Variants in LAG3 observed in about 807,000 individuals in gnomAD.
LAG3 encodes lymphocyte activation gene 3 protein.
Under a neutral mutation model 49.0 loss-of-function variants are expected in LAG3, and 29 were observed. The ratio of observed to expected loss-of-function variants is 0.59; its 90% CI spans 0.44 to 0.81. The LOEUF is 0.81. LAG3 is among the 30% of genes least tolerant of loss of function. LAG3 has a pLI of 0.00. For missense variants in LAG3, 693 were observed against 695.2 expected, an observed-to-expected ratio of 1.00 and a Z score of 0.04; for synonymous variants, 320 against 297.3, an observed-to-expected ratio of 1.08 and a Z score of -0.79.
At position 6,778,348 on chromosome 12, in the gene LAG3, G is replaced by GGAACCGGAGCCCGAGCCCGAGCCC. The variant is rs1941932668; in HGVS notation, c.1539_1562dup (p.Pro514_Glu521dup). 6.2e-7 allele frequency: 1 copy of GGAACCGGAGCCCGAGCCCGAGCCC among 1,612,672 alleles called. No individual in the cohort carries two copies. ...AAGAACCGGAGCCGGAGCCGGAGCC[G>GGAACCGGAGCCCGAGCCCGAGCCC]GAACCGGAGCCCGAGCCCGAGCCCG... On this transcript the variant is annotated inframe_insertion, in exon 8 of 8. Transcript: ENST00000203629.
chr12:6,775,799 C>T (rs368919713), intron 5 of LAG3: 28 of 489,754 alleles, frequency 5.7e-5, no homozygotes, highest in Middle Eastern at 5.4e-4. Context: ...TCTCAATTGG[C>T]GGGAGGGTCT....
Position 6,778,278 on chromosome 12 carries a change from G to A in LAG3, c.1466G>A (p.Gly489Glu). The part of the protein sequence containing the change: ...RPRRFSALEQ[G>E]IHPPQAQSKI... ...AGACGATTTTCTGCCTTAGAGCAAG[G>A]GATTCACCCTCCGCAGGCTCAGAGC... is the stretch of plus-strand genomic sequence containing the variant. Residue 489 changes from glycine to glutamate, a missense_variant, in exon 8 of 8, where the codon GGG becomes GAG. By Grantham distance (98) the Gly-to-Glu change is moderately conservative. Transcript: ENST00000203629. 1 of 1,611,710 alleles carries A rather than the reference G, an allele frequency of 6.2e-7. No homozygotes were observed. The highest frequency in any genetic ancestry group is 8.5e-7 in the Non-Finnish European group (1 of 1,178,872).
Position 6,773,579 on chromosome 12 carries a change from G to A in LAG3, c.207-118G>A. 7.2e-6 allele frequency: 9 copies of A among 1,248,400 alleles called. No individual in the cohort carries two copies. Among genetic ancestry groups the A allele is most frequent in the Non-Finnish European group, 9.3e-6 (9 of 963,678 alleles). The allele number at this position is 1,248,400 out of a possible 1,614,324, so 77.3% of individuals were successfully genotyped here. ...ACAGAGGGGTCGGGCGTGAGGGGAC[G>A]GTTGGTGGTCAAGAGAACTCTTGGG... On this transcript the variant is annotated intron_variant, in intron 2 of 7. Coordinates refer to ENST00000203629, the MANE Select transcript of LAG3 (RefSeq NM_002286.6). The surrounding 1 kb of genome is among the most constrained non-coding windows in gnomAD (Gnocchi z 5.5).
At position 6,773,373 on chromosome 12, in the gene LAG3, G is replaced by A. The variant is rs1941865261; in HGVS notation, c.206+34G>A. ...CCCAAACTTGGGCAACAGGACCTCC[G>A]AATCCAGCACTCAACCCCACACCCG... On this transcript the variant is annotated intron_variant, in intron 2 of 7. Transcript: ENST00000203629. This position sits in a 1 kb window ranked among gnomAD's most constrained non-coding sequence, Gnocchi z 5.5. 2.5e-6 allele frequency: 4 copies of A among 1,610,946 alleles called. No individual in the cohort carries two copies. Among genetic ancestry groups the A allele is most frequent in the Non-Finnish European group, 2.5e-6 (3 of 1,179,296 alleles).
intron 3 of LAG3, 49 bp from the exon 4 acceptor site, chr12:6,774,546 G>T (rs1422141461): frequency 1.3e-6 from 2 of 1,574,752 alleles, no homozygotes; most frequent in Non-Finnish European, 1.7e-6. Flanking sequence ...CTGCTGTGTT[G>T]GGAAATTGTT....
chr12:6,775,978 T>G (rs545651618), intron 5 of LAG3, among the ~76,000 whole-genome samples: 2 of 152,196 alleles, frequency 1.3e-5, no homozygotes, highest in Admixed American at 6.5e-5. Flanking sequence ...AAATATTTAC[T>G]GAGCAAGGGT....
At chr12:6,775,217 C>T in intron 4 of LAG3, 56 bp from the exon 5 acceptor site, 1 of 1,555,166 alleles carries the variant, frequency 6.4e-7, no homozygotes, top group Non-Finnish European at 8.7e-7. Flanking sequence ...GCAGCCCCAG[C>T]ACTCCCTCCC....
intron 4 of LAG3, 139 bp from the exon 5 acceptor site, chr12:6,775,134 T>C: frequency 9.6e-7 from 1 of 1,041,526 alleles, no homozygotes; most frequent in Non-Finnish European, 1.4e-6. Context: ...CCTCCTCAGC[T>C]CATCACCTTA....
Position 6,778,184 on chromosome 12 carries a change from G to A in LAG3, c.1432-60G>A, listed in dbSNP as rs1350256792. The A allele has an allele frequency of 4.7e-6, 7 of 1,490,246 alleles. No homozygotes were observed. In the South Asian group the frequency reaches 6.0e-5, roughly 13 times the overall value. 92.3% of individuals were successfully genotyped at this position (1,490,246 alleles called of 1,614,324 possible). ...AGGGACTCAGTGTCCCTCCTCATCC[G>A]CTTCCCTTCATCCTTCTCCTCCTTC... On this transcript the variant is annotated intron_variant, in intron 7 of 7. Coordinates refer to ENST00000203629, the MANE Select transcript of LAG3 (RefSeq NM_002286.6).
Position 6,773,475 on chromosome 12 carries a change from A to G in LAG3, c.206+136A>G. 3.3e-6 allele frequency: 4 copies of G among 1,204,054 alleles called. No individual in the cohort carries two copies. The highest frequency in any genetic ancestry group is 4.6e-6 in the Non-Finnish European group (4 of 868,006). The allele number at this position is 1,204,054 out of a possible 1,614,324, so 74.6% of individuals were successfully genotyped here. On this transcript the variant is annotated intron_variant, in intron 2 of 7. Coordinates refer to ENST00000203629, the MANE Select transcript of LAG3 (RefSeq NM_002286.6). This position sits in a 1 kb window ranked among gnomAD's most constrained non-coding sequence, Gnocchi z 5.5. ...ACCCAGTCTCCCTGCCCTCGCTTGCACCGTTCCTGCCCTTGCTCTGCAATC... is the reference window on the plus strand; with the variant it reads ...ACCCAGTCTCCCTGCCCTCGCTTGCGCCGTTCCTGCCCTTGCTCTGCAATC...
Position 6,773,931 on chromosome 12 carries a change from C to G in LAG3, c.441C>G (p.Tyr147Ter). 7.1e-7 allele frequency: 1 copy of G among 1,402,224 alleles called. No individual in the cohort carries two copies. The highest frequency in any genetic ancestry group is 9.2e-7 in the Non-Finnish European group (1 of 1,087,710). 86.9% of individuals were successfully genotyped at this position (1,402,224 alleles called of 1,614,324 possible). The part of the protein sequence containing the change: ...RPARRADAGE[Y>*]RAAVHLRDRA... ...CCCGGCGCGCGGACGCCGGCGAGTA[C>G]CGCGCCGCGGTGCACCTCAGGGACC... The change falls in exon 3 of 8, where the codon TAC becomes TAG. Residue 147 changes from tyrosine to a stop codon, truncating the protein, a stop_gained. Transcript: ENST00000203629. LOFTEE classifies it high-confidence loss of function. This position sits in a 1 kb window ranked among gnomAD's most constrained non-coding sequence, Gnocchi z 5.5.
rs746047206 is a variant in LAG3 at position 6,775,501 on chromosome 12, T to C, written c.1010T>C (p.Leu337Pro). ...QAGTYTCHIH[L>P]QEQQLNATVT... is the part of the protein sequence containing the mutation. ...GGGACCTACACCTGCCATATCCATC[T>C]GCAGGAACAGCAGCTCAATGCCACT... Residue 337 changes from leucine to proline, a missense_variant, in exon 5 of 8, where the codon CTG (leucine) becomes CCG (proline). Leu to Pro is a moderately conservative substitution (Grantham distance 98). Transcript: ENST00000203629. The C allele has an allele frequency of 3.7e-6, 6 of 1,614,140 alleles. No homozygotes were observed. The highest frequency in any genetic ancestry group is 5.1e-6 in the Non-Finnish European group (6 of 1,180,040).
At position 6,774,586 on chromosome 12, in the gene LAG3, C is replaced by G. The variant is rs1483386041; in HGVS notation, c.512-9C>G. The G allele has an allele frequency of 6.2e-7, 1 of 1,611,672 alleles. No individual in the cohort carries two copies. Among genetic ancestry groups the G allele is most frequent in the African/African-American group, 1.3e-5 (1 of 74,870 alleles). ...GTGGGCTGATGAAGTCTTCTTTATC[C>G]TTGCACAGTGACTGCCAGCCCCCCA... is the stretch of plus-strand genomic sequence containing the variant. On this transcript the variant is annotated splice_polypyrimidine_tract_variant and intron_variant, in intron 3 of 7. Coordinates refer to ENST00000203629, the MANE Select transcript of LAG3 (RefSeq NM_002286.6).
chr12:6,773,694 C>G lies in LAG3; in HGVS notation c.207-3C>G. 1.5e-6 allele frequency: 2 copies of G among 1,357,668 alleles called. No individual in the cohort carries two copies. Among genetic ancestry groups the G allele is most frequent in the Non-Finnish European group, 1.9e-6 (2 of 1,061,854 alleles). The allele number at this position is 1,357,668 out of a possible 1,614,324, so 84.1% of individuals were successfully genotyped here. ...TCTCAACTCCATTCTCTTTCCCGCC[C>G]AGTGGCCCGCCCGCTGCCGCCCCCG... is the stretch of plus-strand genomic sequence containing the variant. On this transcript the variant is annotated splice_polypyrimidine_tract_variant and splice_region_variant and intron_variant, in intron 2 of 7. Transcript: ENST00000203629. This position sits in a 1 kb window ranked among gnomAD's most constrained non-coding sequence, Gnocchi z 5.5.
rs377319830 is a variant in LAG3, at chr12:6,774,724, G to A, written c.641G>A (p.Arg214Gln). Residue 214 changes from arginine (R) to glutamine (Q), a missense_variant, in exon 4 of 8, where the codon CGG (arginine) becomes CAG (glutamine). Coordinates refer to ENST00000203629, the MANE Select transcript of LAG3 (RefSeq NM_002286.6). ...CGGGGCCAGGGCCGAGTCCCTGTCC[G>A]GGAGTCCCCCCATCACCACTTAGCG... ...RNRGQGRVPV[R>Q]ESPHHHLAES... is the part of the protein sequence containing the mutation. 60 of 1,614,144 alleles carry A rather than the reference G, an allele frequency of 3.7e-5. No individual in the cohort carries two copies. The highest frequency in any genetic ancestry group is 2.5e-4 in the African/African-American group (19 of 75,032).
intron 5 of LAG3, among the ~76,000 whole-genome samples, chr12:6,776,663 C>T (rs1941909840): frequency 6.6e-6 from 1 of 152,158 alleles, no homozygotes; most frequent in Non-Finnish European, 1.5e-5. Context: ...TCCCTGTTCT[C>T]TATACCTTCA....
In LAG3 at chr12:6,772,782, C is replaced by A; in HGVS notation, c.-71C>A. On this transcript the variant is annotated 5_prime_UTR_variant, in exon 1 of 8. Coordinates refer to ENST00000203629, the MANE Select transcript of LAG3 (RefSeq NM_002286.6). ...CAGAACTTCTCCTTTACCCCCCACC[C>A]CCCACCACTGCCCCCTTTCCTTTTC... 4.5e-6 allele frequency: 5 copies of A among 1,102,796 alleles called. No individual in the cohort carries two copies. The highest frequency in any genetic ancestry group is 5.3e-6 in the Non-Finnish European group (4 of 754,846). The allele number at this position is 1,102,796 out of a possible 1,614,324, so 68.3% of individuals were successfully genotyped here. A position where few individuals can be genotyped will look rare whatever the true frequency, so the allele number is the denominator to read the frequency against.
intron 3 of LAG3, 136 bp downstream of exon 3, chr12:6,774,137 G>T (rs943023621): frequency 1.9e-5 from 25 of 1,307,234 alleles, no homozygotes; most frequent in Non-Finnish European, 2.1e-5. Context: ...AGAGGAAGGG[G>T]GTGGGCGGCC....
intron 6 of LAG3, 119 bp downstream of exon 6, chr12:6,777,625 C>T: frequency 6.7e-7 from 1 of 1,481,510 alleles, no homozygotes; most frequent in Non-Finnish European, 9.1e-7. Flanking sequence ...GACCTGATCT[C>T]TGGCTTTTGC....
Sources: allele counts gnomAD v4.1 joint callset (sites outside exome capture counted in the v4.1 genomes callset), GRCh38; gene constraint gnomAD v4.1.1; non-coding constraint Gnocchi (gnomAD v3.1); transcripts MANE v1.5; gene names NCBI Gene and HGNC (gene_info 2026-07-23, HGNC 2026-07-21).